The following IGBP1C variants were observed in gnomAD, a reference collection of about 807,000 sequenced individuals.
IGBP1C encodes IGBP1 family member C, also known as immunoglobulin-binding protein 1 family member C.
chr17:58,663,752 G>C, the IGBP1C span, among the ~76,000 whole-genome samples: 1 of 152,140 alleles, frequency 6.6e-6, no homozygotes, highest in Non-Finnish European at 1.5e-5. Flanking sequence ...ACAGGCATGA[G>C]CCAATGTGCC....
chr17:58,690,735 C>G, the IGBP1C span, among the ~76,000 whole-genome samples: 15 of 152,158 alleles, frequency 9.9e-5, no homozygotes, highest in Non-Finnish European at 1.5e-5. Flanking sequence ...TCCTACAAGA[C>G]TTTCTTTGAC....
At chr17:58,661,182 C>T in the IGBP1C span, 3 of 803,392 alleles carry the variant, frequency 3.7e-6, no homozygotes, top group Non-Finnish European at 6.8e-6. Flanking sequence ...GTAATAGCAC[C>T]GTGATTTTCA....
the IGBP1C span, among the ~76,000 whole-genome samples, chr17:58,681,418 A>G: frequency 3.3e-5 from 5 of 152,182 alleles, no homozygotes; most frequent in Admixed American, 3.3e-4. Context: ...TGATGTTCTG[A>G]CAGTCTATCA....
At chr17:58,666,879 C>G in the IGBP1C span, among the ~76,000 whole-genome samples, 1 of 152,100 alleles carries the variant, frequency 6.6e-6, no homozygotes, top group Non-Finnish European at 1.5e-5. Flanking sequence ...AACGCGTTTC[C>G]AAAATGCAGT....
At chr17:58,676,878 C>T in the IGBP1C span, among the ~76,000 whole-genome samples, 57 of 152,156 alleles carry the variant, frequency 3.7e-4, no homozygotes, top group Non-Finnish European at 7.5e-4. Flanking sequence ...CGCCTGTAAT[C>T]CCAGTACTTT....
At chr17:58,666,460 A>AAC in the IGBP1C span, 63 of 12,124 alleles carry the variant, frequency 5.2e-3, no homozygotes, top group South Asian at 0.015. Context: ...TTCCACGGCA[A>AAC]AAAAAAAAAA....
chr17:58,666,021 C>T, the IGBP1C span, among the ~76,000 whole-genome samples: 1 of 150,960 alleles, frequency 6.6e-6, no homozygotes. Context: ...TCAACTCCAG[C>T]CTGGGAGACG....
chr17:58,688,399 TGTGAGCCACA>T, the IGBP1C span, among the ~76,000 whole-genome samples: 1 of 152,144 alleles, frequency 6.6e-6, no homozygotes, highest in South Asian at 2.1e-4. Context: ...GGATTACAGG[TGTGAGCCACA>T]GTGTCTGGCC....
At chr17:58,661,074 T>C in the IGBP1C span, 6 of 1,075,698 alleles carry the variant, frequency 5.6e-6, no homozygotes. Flanking sequence ...GATTTCATTG[T>C]AGACAACTTA....
the IGBP1C span, among the ~76,000 whole-genome samples, chr17:58,670,181 T>C: frequency 1.3e-5 from 2 of 152,214 alleles, no homozygotes; most frequent in African/African-American, 4.8e-5. Context: ...AGTCTTTATC[T>C]TCAGTCCATT....
At chr17:58,686,886 T>C in the IGBP1C span, among the ~76,000 whole-genome samples, 1 of 141,170 alleles carries the variant, frequency 7.1e-6, no homozygotes, top group Non-Finnish European at 1.5e-5. Flanking sequence ...TTTTTTTTTT[T>C]TTTTTGAGAT....
At chr17:58,690,098 G>A in the IGBP1C span, among the ~76,000 whole-genome samples, 2 of 151,900 alleles carry the variant, frequency 1.3e-5, no homozygotes, top group Non-Finnish European at 2.9e-5. Flanking sequence ...ATCTGCAGAA[G>A]ATATTAATAG....
At chr17:58,673,303 A>T in the IGBP1C span, among the ~76,000 whole-genome samples, 1 of 151,474 alleles carries the variant, frequency 6.6e-6, no homozygotes, top group African/African-American at 2.4e-5. Context: ...ATATGGCGAA[A>T]CCATAAAAAA....
chr17:58,665,830 G>A, the IGBP1C span, among the ~76,000 whole-genome samples: 1 of 151,996 alleles, frequency 6.6e-6, no homozygotes, highest in South Asian at 2.1e-4. Context: ...TGGATCACAT[G>A]AGGTCAGGAG....
the IGBP1C span, among the ~76,000 whole-genome samples, chr17:58,673,680 C>A: frequency 6.6e-6 from 1 of 151,912 alleles, no homozygotes; most frequent in Non-Finnish European, 1.5e-5. Context: ...TCCCACCTCA[C>A]CCTCCCGAGT....
chr17:58,668,772 T>C, the IGBP1C span, among the ~76,000 whole-genome samples: 1 of 152,162 alleles, frequency 6.6e-6, no homozygotes, highest in Non-Finnish European at 1.5e-5. Flanking sequence ...TGTGGCATCC[T>C]AGGTGAACTG....
the IGBP1C span, among the ~76,000 whole-genome samples, chr17:58,679,375 G>A: frequency 4.6e-5 from 7 of 152,080 alleles, no homozygotes; most frequent in African/African-American, 1.4e-4. Context: ...CACCAACCAC[G>A]AGGGGTGTGA....
chr17:58,677,270 A>G, the IGBP1C span, among the ~76,000 whole-genome samples: 1 of 152,172 alleles, frequency 6.6e-6, no homozygotes, highest in South Asian at 2.1e-4. Context: ...GGGAGACAAG[A>G]GCAAGACCCT....
At chr17:58,663,249 CCT>C in the IGBP1C span, among the ~76,000 whole-genome samples, 1 of 151,686 alleles carries the variant, frequency 6.6e-6, no homozygotes, top group South Asian at 2.1e-4. Flanking sequence ...ATGGAGAAAC[CCT>C]GTCTCTACTA....
Sources: allele counts gnomAD v4.1 joint callset (sites outside exome capture counted in the v4.1 genomes callset), GRCh38; gene constraint gnomAD v4.1.1; transcripts MANE v1.5; gene names NCBI Gene and HGNC (gene_info 2026-07-23, HGNC 2026-07-21).